The following CLDN14 variants were observed in gnomAD, a reference collection of about 807,000 sequenced individuals.
CLDN14 encodes the protein claudin-14.
Under a neutral mutation model 2.1 loss-of-function variants are expected in CLDN14, and 2 were observed. That is an observed-to-expected ratio of 0.96 (90% CI 0.39 to 3.01). The LOEUF is 3.01. Ranked by LOEUF, CLDN14 falls within the 30% of genes most tolerant of loss-of-function variation. The probability of loss-of-function intolerance (pLI) is 0.09; values close to 1 mark genes in which losing one functional copy is unlikely to be tolerated. For synonymous variants in CLDN14, 136 were observed against 154.4 expected, an observed-to-expected ratio of 0.88 and a Z score of 0.88; for missense variants, 298 against 328.0, an observed-to-expected ratio of 0.91 and a Z score of 0.71.
chr21:36,496,296 G>T (rs922376934), intron 2 of CLDN14, among the ~76,000 whole-genome samples: 2 of 151,826 alleles, frequency 1.3e-5, no homozygotes, highest in East Asian at 1.9e-4. Context: ...AATTAGCTGG[G>T]CATGGTGATG....
chr21:36,522,424 G>A (rs529637825), intron 1 of CLDN14, among the ~76,000 whole-genome samples: 126 of 152,346 alleles, frequency 8.3e-4, no homozygotes, highest in African/African-American at 2.9e-3. Flanking sequence ...CCCAGGATGC[G>A]CTGGGGGTTT....
chr21:36,527,449 A>C (rs2087342319), intron 1 of CLDN14, among the ~76,000 whole-genome samples: 2 of 152,188 alleles, frequency 1.3e-5, no homozygotes, highest in African/African-American at 4.8e-5. Flanking sequence ...TTCCCTGGAG[A>C]AGCAAAACAG....
chr21:36,471,630 T>C (rs957668059), intron 1 of CLDN14, among the ~76,000 whole-genome samples: 1 of 152,240 alleles, frequency 6.6e-6, no homozygotes, highest in African/African-American at 2.4e-5. Context: ...GCTGAAGCTT[T>C]ACCTTGGAAA....
upstream of CLDN14, chr21:36,480,364 T>G (rs761525805): frequency 1.3e-5 from 2 of 152,298 alleles, no homozygotes; most frequent in Non-Finnish European, 2.9e-5. Context: ...AAACCAGTGC[T>G]GACGGAAGAA....
In CLDN14 at chr21:36,467,859, A is replaced by T. The variant is rs559340543; in HGVS notation, c.-81-6083T>A. On this transcript the variant is annotated intron_variant, in intron 1 of 1. Transcript: ENST00000399135. Reference sequence around the variant, plus strand: ...TTGGTGAAAGAAATGTCAGCCCCAGATGGGAGGGGTGGAGGACATCAGCGG... The same window carrying T: ...TTGGTGAAAGAAATGTCAGCCCCAGTTGGGAGGGGTGGAGGACATCAGCGG... Among the ~76,000 whole-genome samples, 4 of 152,190 alleles carry T rather than the reference A, an allele frequency of 2.6e-5. No homozygotes were observed. The South Asian group carries it at 8.3e-4, about 32-fold the overall frequency.
intron 1 of CLDN14, among the ~76,000 whole-genome samples, chr21:36,537,357 A>G (rs1019680001): frequency 6.6e-5 from 10 of 152,230 alleles, no homozygotes; most frequent in Admixed American, 6.5e-4. Flanking sequence ...TGAAGTTGAT[A>G]AAAAGACGTA....
chr21:36,509,126 G>A (rs148837464), intron 2 of CLDN14, among the ~76,000 whole-genome samples: 89 of 152,312 alleles, frequency 5.8e-4, no homozygotes, highest in African/African-American at 1.9e-3. Context: ...GTCTCCACCT[G>A]GCCCTGGGCA....
intron 2 of CLDN14, chr21:36,486,893 C>T (rs374366549): frequency 3.0e-5 from 20 of 659,402 alleles, no homozygotes; most frequent in Non-Finnish European, 4.3e-5. Context: ...AGGATGCGGC[C>T]GGTGTCTAGA....
intron 1 of CLDN14, among the ~76,000 whole-genome samples, chr21:36,546,964 T>C (rs896272921): frequency 1.3e-5 from 2 of 152,226 alleles, no homozygotes; most frequent in African/African-American, 4.8e-5. Flanking sequence ...AGTGTTGCTC[T>C]TGGCATCTAG....
At chr21:36,575,958 T>C (rs187368583) in intron 1 of CLDN14, among the ~76,000 whole-genome samples, 2 of 152,198 alleles carry the variant, frequency 1.3e-5, no homozygotes, top group Admixed American at 6.5e-5. Context: ...CAGAAACGCA[T>C]TGAATTTTAT....
chr21:36,486,376 C>T, intron 2 of CLDN14: 1 of 952,472 alleles, frequency 1.0e-6, no homozygotes, highest in Non-Finnish European at 1.7e-6. Flanking sequence ...GCCTCAGCAG[C>T]AGAGGCTGCA....
chr21:36,557,561 C>G (rs1354637626), intron 1 of CLDN14, among the ~76,000 whole-genome samples: 1 of 152,138 alleles, frequency 6.6e-6, no homozygotes, highest in Non-Finnish European at 1.5e-5. Flanking sequence ...TTTCAAATAC[C>G]TGTTGGCCAT....
chr21:36,560,553 A>T (rs1049779359), intron 1 of CLDN14, among the ~76,000 whole-genome samples: 9 of 152,128 alleles, frequency 5.9e-5, no homozygotes, highest in Non-Finnish European at 1.2e-4. Context: ...ACATGAATAG[A>T]TTTTTGCATG....
intron 1 of CLDN14, among the ~76,000 whole-genome samples, chr21:36,538,690 G>A (rs536420763): frequency 2.2e-4 from 34 of 152,274 alleles, no homozygotes; most frequent in African/African-American, 6.0e-4. Flanking sequence ...AGCAGCAGTC[G>A]GTAAGAGAAG....
chr21:36,569,524 C>T (rs542753355), intron 1 of CLDN14, among the ~76,000 whole-genome samples: 38 of 152,266 alleles, frequency 2.5e-4, no homozygotes, highest in African/African-American at 8.9e-4. Flanking sequence ...AAAATATGAT[C>T]GCTAACTAAC....
chr21:36,484,793 A>T (rs1302051663), upstream of CLDN14, among the ~76,000 whole-genome samples: 1 of 151,888 alleles, frequency 6.6e-6, no homozygotes, highest in Non-Finnish European at 1.5e-5. Context: ...GGCTCACCGC[A>T]ACCTCCGCCT....
At chr21:36,492,970 A>G (rs2086983244) in intron 2 of CLDN14, among the ~76,000 whole-genome samples, 1 of 152,186 alleles carries the variant, frequency 6.6e-6, no homozygotes, top group Non-Finnish European at 1.5e-5. Flanking sequence ...GCTCTGAGCC[A>G]CTGTGTCTTT....
intron 1 of CLDN14, among the ~76,000 whole-genome samples, chr21:36,522,638 C>T (rs115724774): frequency 0.012 from 1,758 of 152,274 alleles, 25 homozygotes; most frequent in African/African-American, 0.041. Flanking sequence ...CGGAGAACAG[C>T]GCAAGAAGAT....
At chr21:36,525,459 T>C (rs901491585) in intron 1 of CLDN14, among the ~76,000 whole-genome samples, 2 of 150,434 alleles carry the variant, frequency 1.3e-5, no homozygotes, top group Admixed American at 1.3e-4. Flanking sequence ...GCCAGGGTAA[T>C]AGGGCAGTGG....
Sources: allele counts gnomAD v4.1 joint callset (sites outside exome capture counted in the v4.1 genomes callset), GRCh38; gene constraint gnomAD v4.1.1; transcripts MANE v1.5; gene names NCBI Gene and HGNC (gene_info 2026-07-23, HGNC 2026-07-21).